Variants in NYAP2 observed in about 807,000 individuals in gnomAD.
The protein encoded by NYAP2 is neuronal tyrosine-phosphorylated phosphoinositide-3-kinase adaptor 2, also known as neuronal tyrosine-phosphorylated phosphoinositide-3-kinase adapter 2.
NYAP2 carries 23 observed loss-of-function variants against 50.4 expected under a neutral mutation model. That is an observed-to-expected ratio of 0.46 (90% CI 0.33 to 0.65). NYAP2 has a LOEUF of 0.65. Ranked by LOEUF, NYAP2 falls within the 30% of genes least tolerant of loss-of-function variation. The pLI is 0.02. For missense variants in NYAP2, 885 were observed against 861.0 expected (o/e 1.03, Z -0.35); for synonymous variants, 394 against 365.2 (o/e 1.08, Z -0.90).
intron 4 of NYAP2, among the ~76,000 whole-genome samples, chr2:225,569,660 T>A (rs1355558237): frequency 1.3e-5 from 2 of 152,186 alleles, no homozygotes; most frequent in Non-Finnish European, 2.9e-5. Flanking sequence ...CACAGACTCA[T>A]TGTCTCGTTT....
At position 225,465,910 on chromosome 2, in the gene NYAP2, A is replaced by T. The variant is rs1689908914; in HGVS notation, c.222-47461A>T. ...TGCCCTTTGTGGGGTTTTTGGTGAG[A>T]TGCTCTGTTCCCTAACATTCAGCAA... On this transcript the variant is annotated intron_variant, in intron 3 of 6. Transcript: ENST00000636099. 2.0e-5 allele frequency among the ~76,000 whole-genome samples: 3 copies of T among 152,246 alleles called. No homozygotes were observed. The South Asian group carries it at 6.2e-4, about 32-fold the overall frequency.
intron 4 of NYAP2, among the ~76,000 whole-genome samples, chr2:225,521,533 A>G (rs1691057199): frequency 6.6e-6 from 1 of 152,096 alleles, no homozygotes; most frequent in Non-Finnish European, 1.5e-5. Flanking sequence ...TGAGATAATC[A>G]TGTGGTTTTT....
the NYAP2 span, among the ~76,000 whole-genome samples, chr2:225,696,492 G>A: frequency 6.6e-6 from 1 of 151,876 alleles, no homozygotes; most frequent in African/African-American, 2.4e-5. Context: ...AAGAAGCCAG[G>A]AAGCCCAGTG....
At chr2:225,677,762 ATCT>A in the NYAP2 span, among the ~76,000 whole-genome samples, 1 of 152,162 alleles carries the variant, frequency 6.6e-6, no homozygotes. Flanking sequence ...CAGAAATAAA[ATCT>A]TCTTGATCAT....
intron 3 of NYAP2, among the ~76,000 whole-genome samples, chr2:225,504,035 G>A (rs1192963157): frequency 1.3e-5 from 2 of 152,096 alleles, no homozygotes; most frequent in Admixed American, 6.5e-5. Context: ...TTGATGACTG[G>A]GAACAGAAAG....
At chr2:225,564,541 A>G (rs1007189139) in intron 4 of NYAP2, among the ~76,000 whole-genome samples, 8 of 152,098 alleles carry the variant, frequency 5.3e-5, no homozygotes, top group Non-Finnish European at 8.8e-5. Flanking sequence ...CCAACTAAAG[A>G]GTATTGGGTC....
In NYAP2 at chr2:225,499,834, G is replaced by C. The variant is rs149348604; in HGVS notation, c.222-13537G>C. On this transcript the variant is annotated intron_variant, in intron 3 of 6. Transcript: ENST00000636099. ...AATGAATGATTTAGTAAACGAATGA[G>C]AGACAAGAAAAAATAGCAGAAGGGA... Among the ~76,000 whole-genome samples the C allele has an allele frequency of 4.7e-3, 710 of 152,180 alleles. 6 individuals carry two copies. Among genetic ancestry groups the C allele is most frequent in the African/African-American group, 0.016 (683 of 41,512 alleles).
chr2:225,400,804 TA>T lies in NYAP2; in HGVS notation c.-256del, dbSNP rs1434140505. The T allele has an allele frequency of 6.6e-6, 1 of 152,456 alleles. No individual in the cohort carries two copies. Among genetic ancestry groups the T allele is most frequent in the East Asian group, 1.9e-4 (1 of 5,144 alleles). 9.4% of individuals were successfully genotyped at this position (152,456 alleles called of 1,614,324 possible). A position where few individuals can be genotyped will look rare whatever the true frequency, so the allele number is the denominator to read the frequency against. Reference sequence around the variant, plus strand: ...AAACTTTAAAGGCCATTTTATCTGATAGGAAGGACATCGAGAATGCTCTGAT... The same window carrying T: ...AAACTTTAAAGGCCATTTTATCTGATGGAAGGACATCGAGAATGCTCTGAT... On this transcript the variant is annotated 5_prime_UTR_variant, in exon 2 of 7. The change creates a new upstream start codon in the 5' untranslated region. Coordinates refer to ENST00000636099, the Ensembl canonical transcript of NYAP2.
rs548719021 is a variant in NYAP2, at chr2:225,410,426, A to AT, written c.221+1335dup. On this transcript the variant is annotated intron_variant, in intron 3 of 6. Transcript: ENST00000636099. ...GAGTGTATAAATGCCTTCTTAGGAC[A>AT]TTTTTTTTTTCTGTGAAGTATTTTT... Among the ~76,000 whole-genome samples the AT allele has an allele frequency of 4.0e-4, 59 of 147,512 alleles. No individual in the cohort carries two copies. The South Asian group carries it at 5.6e-3, about 14-fold the overall frequency.
chr2:225,551,602 A>G (rs1691676185), intron 4 of NYAP2, among the ~76,000 whole-genome samples: 1 of 152,196 alleles, frequency 6.6e-6, no homozygotes, highest in Admixed American at 6.5e-5. Flanking sequence ...TGTAATGTCT[A>G]TCCTTTGTAG....
intron 4 of NYAP2, among the ~76,000 whole-genome samples, chr2:225,515,265 T>C (rs1289195438): frequency 1.3e-5 from 2 of 152,244 alleles, no homozygotes; most frequent in Non-Finnish European, 2.9e-5. Context: ...GTTTGCATAT[T>C]TGCAAAATTG....
the NYAP2 span, among the ~76,000 whole-genome samples, chr2:225,680,311 T>C: frequency 1.3e-5 from 2 of 152,296 alleles, no homozygotes; most frequent in Admixed American, 1.3e-4. Flanking sequence ...AGTTTTCTTA[T>C]AAGAGGATAC....
intron 5 of NYAP2, among the ~76,000 whole-genome samples, chr2:225,624,542 G>A (rs868503790): frequency 3.3e-5 from 5 of 152,144 alleles, no homozygotes; most frequent in East Asian, 1.9e-4. Context: ...CTCCCTACAA[G>A]TGTGACTGGT....
At chr2:225,414,492 A>T (rs752485064) in intron 3 of NYAP2, among the ~76,000 whole-genome samples, 1 of 152,198 alleles carries the variant, frequency 6.6e-6, no homozygotes. Flanking sequence ...AGTTCCCTTG[A>T]GATGGGTTGC....
intron 3 of NYAP2, among the ~76,000 whole-genome samples, chr2:225,477,639 C>T (rs540071613): frequency 3.7e-4 from 57 of 152,224 alleles, no homozygotes; most frequent in Admixed American, 1.8e-3. Flanking sequence ...TAGAAACTTA[C>T]TTTATAAGAG....
At chr2:225,402,586 A>G (rs1294731592) in intron 2 of NYAP2, among the ~76,000 whole-genome samples, 3 of 152,168 alleles carry the variant, frequency 2.0e-5, no homozygotes, top group African/African-American at 7.2e-5. Context: ...CTGCATTAAC[A>G]CGATTTATGC....
chr2:225,672,479 C>T, the NYAP2 span, among the ~76,000 whole-genome samples: 7 of 152,158 alleles, frequency 4.6e-5, no homozygotes, highest in Non-Finnish European at 7.3e-5. Context: ...CTACCCACAC[C>T]ACTAAAACTT....
chr2:225,658,333 G>A (rs1212143262), downstream of NYAP2, among the ~76,000 whole-genome samples: 1 of 152,156 alleles, frequency 6.6e-6, no homozygotes, highest in East Asian at 1.9e-4. Flanking sequence ...TAAGTTCACA[G>A]TACAACATCA....
intron 3 of NYAP2, among the ~76,000 whole-genome samples, chr2:225,471,473 C>T (rs1559188843): frequency 6.6e-6 from 1 of 152,126 alleles, no homozygotes; most frequent in Admixed American, 6.5e-5. Context: ...TATTGAGGCA[C>T]AGGTATATTT....
Sources: allele counts gnomAD v4.1 joint callset (sites outside exome capture counted in the v4.1 genomes callset), GRCh38; gene constraint gnomAD v4.1.1; transcripts MANE v1.5; gene names NCBI Gene and HGNC (gene_info 2026-07-23, HGNC 2026-07-21).